Variants in SRRM3 observed in about 807,000 individuals in gnomAD.
The protein encoded by SRRM3 is serine/arginine repetitive matrix protein 3.
SRRM3 carries 27 observed loss-of-function variants against 66.2 expected under a neutral mutation model. The ratio of observed to expected loss-of-function variants is 0.41; its 90% CI spans 0.30 to 0.56. The LOEUF is 0.56. Ranked by LOEUF, SRRM3 falls within the 20% of genes least tolerant of loss-of-function variation. The pLI is 0.32. For synonymous variants in SRRM3, 391 were observed against 414.9 expected, an observed-to-expected ratio of 0.94 and a Z score of 0.70; for missense variants, 918 against 991.9, an observed-to-expected ratio of 0.93 and a Z score of 1.00.
Position 76,210,905 on chromosome 7 carries a change from C to T in SRRM3, c.-40+8838C>T, listed in dbSNP as rs531206582. Among the ~76,000 whole-genome samples the T allele has an allele frequency of 4.6e-5, 7 of 152,122 alleles. No homozygotes were observed. The South Asian group carries it at 1.2e-3, about 27-fold the overall frequency. Reference sequence around the variant, plus strand: ...GCAACCTCTGCCTCCCAGGTTCAAGCGATTCTCCTGCCTCAGCCTCCCGAG... The same window carrying T: ...GCAACCTCTGCCTCCCAGGTTCAAGTGATTCTCCTGCCTCAGCCTCCCGAG... On this transcript the variant is annotated intron_variant, in intron 1 of 14. Coordinates refer to ENST00000611745, the MANE Select transcript of SRRM3 (RefSeq NM_001110199.3).
intron 1 of SRRM3, among the ~76,000 whole-genome samples, chr7:76,228,831 C>T (rs1266118609): frequency 2.0e-5 from 3 of 151,958 alleles, no homozygotes; most frequent in Non-Finnish European, 2.9e-5. Context: ...CCACCTCCCC[C>T]TAATTTGTGG....
intron 11 of SRRM3, chr7:76,269,149 G>A (rs1802146467): frequency 6.6e-6 from 1 of 152,272 alleles, no homozygotes; most frequent in Non-Finnish European, 1.5e-5. Context: ...TCGGGGAAGG[G>A]GACCCAGCCA....
intron 2 of SRRM3, among the ~76,000 whole-genome samples, chr7:76,247,397 T>C (rs910164528): frequency 3.3e-5 from 5 of 151,866 alleles, no homozygotes; most frequent in Admixed American, 3.3e-4. Context: ...ATGGGGGTGC[T>C]TTGACGACCT....
At chr7:76,214,359 C>G (rs1448001337) in intron 1 of SRRM3, among the ~76,000 whole-genome samples, 1 of 152,212 alleles carries the variant, frequency 6.6e-6, no homozygotes, top group Non-Finnish European at 1.5e-5. Context: ...CTACCTCCCA[C>G]CCACCATCCC....
intron 2 of SRRM3, among the ~76,000 whole-genome samples, chr7:76,239,397 G>A (rs1436366711): frequency 1.3e-5 from 2 of 152,156 alleles, no homozygotes; most frequent in East Asian, 3.9e-4. Context: ...TATAAAATGG[G>A]AATCAAAAGG....
chr7:76,230,535 A>G (rs782349675), intron 1 of SRRM3, among the ~76,000 whole-genome samples: 2 of 151,426 alleles, frequency 1.3e-5, no homozygotes, highest in Non-Finnish European at 2.9e-5. Context: ...CTGTAGTTTC[A>G]TCTACTTGGA....
In SRRM3 at chr7:76,215,042, CAA is replaced by C. The variant is rs11357454; in HGVS notation, c.-40+12991_-40+12992del. Among the ~76,000 whole-genome samples the C allele has an allele frequency of 5.1e-3, 489 of 96,492 alleles. 2 individuals are homozygous for C. The highest frequency in any genetic ancestry group is 0.038 in the East Asian group (138 of 3,588). The allele number at this position is 96,492 out of a possible 152,430, so 63.3% of individuals were successfully genotyped here. A position where few individuals can be genotyped will look rare whatever the true frequency, so the allele number is the denominator to read the frequency against. On this transcript the variant is annotated intron_variant, in intron 1 of 14. Transcript: ENST00000611745. ...CTAGGATGACGTGCATATATTCACT[CAA>C]AAAAAAAAAAAAAAACAGGAAAGAT... is the stretch of plus-strand genomic sequence containing the variant.
chr7:76,261,133 C>A (rs1056959669), intron 6 of SRRM3, among the ~76,000 whole-genome samples: 1 of 151,320 alleles, frequency 6.6e-6, no homozygotes, highest in South Asian at 2.1e-4. Context: ...CATTGTTGTC[C>A]CCACAATTGT....
At chr7:76,250,044 TA>T in intron 3 of SRRM3, among the ~76,000 whole-genome samples, 1 of 89,460 alleles carries the variant, frequency 1.1e-5, no homozygotes, top group Non-Finnish European at 2.4e-5. Context: ...TTTATTTATT[TA>T]TTTTTATTTA....
intron 2 of SRRM3, among the ~76,000 whole-genome samples, chr7:76,239,369 C>T (rs1024455483): frequency 1.3e-5 from 2 of 152,098 alleles, no homozygotes; most frequent in Non-Finnish European, 2.9e-5. Context: ...TCCCCTCTCC[C>T]TGTTCTGTTT....
chr7:76,218,048 G>GA (rs1371108786), intron 1 of SRRM3, among the ~76,000 whole-genome samples: 1 of 152,208 alleles, frequency 6.6e-6, no homozygotes, highest in Non-Finnish European at 1.5e-5. Flanking sequence ...GCTCAGAAAG[G>GA]AAAAGGGATC....
chr7:76,220,283 C>T (rs558490738), intron 1 of SRRM3, among the ~76,000 whole-genome samples: 1 of 152,130 alleles, frequency 6.6e-6, no homozygotes, highest in Non-Finnish European at 1.5e-5. Context: ...AGCAGAGGCA[C>T]GTCCCCCAGG....
intron 1 of SRRM3, among the ~76,000 whole-genome samples, chr7:76,218,771 C>T (rs1450397780): frequency 4.7e-5 from 7 of 149,936 alleles, no homozygotes; most frequent in Admixed American, 1.3e-4. Flanking sequence ...CTCTGCTTCC[C>T]GGGTTCAAGA....
At position 76,281,768 on chromosome 7, in the gene SRRM3, G is replaced by A; in HGVS notation, c.1336G>A (p.Gly446Ser). 7.2e-7 allele frequency: 1 copy of A among 1,381,542 alleles called. No homozygotes were observed. The highest frequency in any genetic ancestry group is 9.4e-7 in the Non-Finnish European group (1 of 1,066,132). The allele number at this position is 1,381,542 out of a possible 1,614,324, so 85.6% of individuals were successfully genotyped here. Residue 446 changes from glycine (G) to serine (S), a missense_variant, in exon 12 of 15, where the codon GGC becomes AGC. Transcript: ENST00000611745. ...CGCCCCCGGCCCCGGGCCCGAGCCCGGCTCTGAGCGAGGCCACGGCGGACA... is the reference window on the plus strand; with the variant it reads ...CGCCCCCGGCCCCGGGCCCGAGCCCAGCTCTGAGCGAGGCCACGGCGGACA... ...RGAPGPGPEPGSERGHGGHGK... is the reference protein window; with the variant it reads ...RGAPGPGPEPSSERGHGGHGK...
chr7:76,281,793 A>T lies in SRRM3; in HGVS notation c.1361A>T (p.His454Leu). 7.3e-7 allele frequency: 1 copy of T among 1,364,636 alleles called. No individual in the cohort carries two copies. Among genetic ancestry groups the T allele is most frequent in the Non-Finnish European group, 9.5e-7 (1 of 1,058,054 alleles). The allele number at this position is 1,364,636 out of a possible 1,614,324, so 84.5% of individuals were successfully genotyped here. A position where few individuals can be genotyped will look rare whatever the true frequency, so the allele number is the denominator to read the frequency against. ...EPGSERGHGG[H>L]GKRAKERPPR... Reference sequence around the variant, plus strand: ...GGCTCTGAGCGAGGCCACGGCGGACACGGGAAACGGTGAGCGTGCTGGACC... The same window carrying T: ...GGCTCTGAGCGAGGCCACGGCGGACTCGGGAAACGGTGAGCGTGCTGGACC... Residue 454 changes from histidine (H) to leucine (L), a missense_variant, in exon 12 of 15, where the codon CAC becomes CTC. Transcript: ENST00000611745.
At chr7:76,243,790 T>G (rs1801369616) in intron 2 of SRRM3, among the ~76,000 whole-genome samples, 1 of 152,236 alleles carries the variant, frequency 6.6e-6, no homozygotes, top group Non-Finnish European at 1.5e-5. Context: ...AATTAGGGGC[T>G]AAGCAGTGTT....
At position 76,267,429 on chromosome 7, in the gene SRRM3, G is replaced by T. The variant is rs782486761; in HGVS notation, c.1002G>T (p.Pro334=). The T allele has an allele frequency of 1.7e-3, 2,341 of 1,362,692 alleles. 2 individuals are homozygous for T. The highest frequency in any genetic ancestry group is 2.0e-3 in the Non-Finnish European group (2,150 of 1,063,152). The allele number at this position is 1,362,692 out of a possible 1,614,324, so 84.4% of individuals were successfully genotyped here. A position where few individuals can be genotyped will look rare whatever the true frequency, so the allele number is the denominator to read the frequency against. ...GCCGCCCCGGCTCGGCGCACAGCCCGCCCGATGTACGTACGCTTCGCTTTG... is the reference window on the plus strand; with the variant it reads ...GCCGCCCCGGCTCGGCGCACAGCCCTCCCGATGTACGTACGCTTCGCTTTG... The part of the protein sequence containing the change: ...HGGRPGSAHS[P]PDKPSSPSPR... The change falls in exon 11 of 15, where the codon CCG becomes CCT. Residue 334 remains proline, a synonymous_variant. Coordinates refer to ENST00000611745, the MANE Select transcript of SRRM3 (RefSeq NM_001110199.3).
intron 1 of SRRM3, among the ~76,000 whole-genome samples, chr7:76,213,873 G>A (rs530775843): frequency 7.9e-5 from 12 of 151,950 alleles, no homozygotes; most frequent in African/African-American, 1.7e-4. Flanking sequence ...AGGCTTAAGC[G>A]ATCCTCCTGC....
chr7:76,206,555 C>T (rs1252228674), intron 1 of SRRM3, among the ~76,000 whole-genome samples: 1 of 152,154 alleles, frequency 6.6e-6, no homozygotes, highest in African/African-American at 2.4e-5. Flanking sequence ...GTCATGAGCG[C>T]AGGAGGGCGA....
Sources: gnomAD v4.1 joint callset for allele counts (sites outside exome capture counted in the v4.1 genomes callset) on GRCh38, gnomAD v4.1.1 for gene constraint, MANE v1.5 for transcripts, NCBI Gene and HGNC (gene_info 2026-07-23, HGNC 2026-07-21) for gene names.